The following STK39 variants were observed in gnomAD, a reference collection of about 807,000 sequenced individuals.
STK39 encodes serine/threonine kinase 39.
In STK39, 20 loss-of-function variants were observed where a neutral mutation model predicts 77.8. The observed-to-expected ratio is 0.26, with a 90% CI of 0.18 to 0.37. STK39 has a LOEUF of 0.37. Among genes scored for constraint, STK39 ranks in the 10% least tolerant of loss-of-function variants. The pLI is 1.00. For missense variants in STK39, 479 were observed against 656.5 expected (o/e 0.73, Z 2.95); for synonymous variants, 246 against 234.1 (o/e 1.05, Z -0.47).
chr2:168,239,014 A>T (rs892001808), intron 1 of STK39, among the ~76,000 whole-genome samples: 1 of 152,216 alleles, frequency 6.6e-6, no homozygotes, highest in Admixed American at 6.5e-5. Flanking sequence ...ATCTATTAGA[A>T]TGACCCGGTT....
At position 168,058,210 on chromosome 2, in the gene STK39, T is replaced by C. The variant is rs996637745; in HGVS notation, c.1376+5290A>G. ...TGTCCCCATCACTCCACTGAAAATA[T>C]TCTTGCCAAGGTCAAGCATGTGCTT... On this transcript the variant is annotated intron_variant, in intron 14 of 17. Coordinates refer to ENST00000355999, the MANE Select transcript of STK39 (RefSeq NM_013233.3). Among the ~76,000 whole-genome samples, 8 of 152,338 alleles carry C rather than the reference T, an allele frequency of 5.3e-5. 2 individuals are homozygous for C. The Middle Eastern group carries it at 0.014, about 259-fold the overall frequency.
intron 16 of STK39, among the ~76,000 whole-genome samples, chr2:167,999,820 G>T (rs1471643491): frequency 2.0e-5 from 3 of 152,170 alleles, no homozygotes; most frequent in Non-Finnish European, 4.4e-5. Flanking sequence ...TAAGGGCCTG[G>T]ATGACAAAGA....
rs571714340 is a variant in STK39, at chr2:168,039,027, C to G, written c.1377-21932G>C. 4.3e-4 allele frequency among the ~76,000 whole-genome samples: 66 copies of G among 152,034 alleles called. No individual in the cohort carries two copies. The South Asian group carries it at 0.013, about 31-fold the overall frequency. On this transcript the variant is annotated intron_variant, in intron 14 of 17. Transcript: ENST00000355999. ...CCTACCACCTAACCCAGCCATTGTA[C>G]AACTAGAAATTTTTCAAAGAGAAAT... is the stretch of plus-strand genomic sequence containing the variant.
chr2:167,975,917 G>A (rs1174157529), intron 16 of STK39, among the ~76,000 whole-genome samples: 3 of 152,178 alleles, frequency 2.0e-5, no homozygotes, highest in Non-Finnish European at 4.4e-5. Flanking sequence ...GCAGGACAAC[G>A]CTAAGGGTCA....
At chr2:167,981,906 A>G (rs1006645017) in intron 16 of STK39, among the ~76,000 whole-genome samples, 7 of 152,212 alleles carry the variant, frequency 4.6e-5, no homozygotes, top group Admixed American at 1.3e-4. Context: ...GATCTTGCAG[A>G]TAACACAAAG....
At chr2:168,238,304 C>CA (rs1690673541) in intron 1 of STK39, among the ~76,000 whole-genome samples, 1 of 152,164 alleles carries the variant, frequency 6.6e-6, no homozygotes, top group African/African-American at 2.4e-5. Flanking sequence ...TTTTTTCTGA[C>CA]AAATAGCTCC....
intron 2 of STK39, among the ~76,000 whole-genome samples, chr2:168,169,028 G>C (rs1688758547): frequency 6.6e-6 from 1 of 152,108 alleles, no homozygotes; most frequent in Non-Finnish European, 1.5e-5. Flanking sequence ...TTTAACCAAA[G>C]ATAAACTCCT....
chr2:168,043,299 T>TCA (rs1295495981), intron 14 of STK39, among the ~76,000 whole-genome samples: 1 of 95,756 alleles, frequency 1.0e-5, no homozygotes, highest in Non-Finnish European at 2.7e-5. Context: ...TATTTATTAC[T>TCA]CATTGATGGC....
chr2:168,232,638 C>A (rs779725981), intron 1 of STK39, among the ~76,000 whole-genome samples: 1 of 152,126 alleles, frequency 6.6e-6, no homozygotes, highest in Non-Finnish European at 1.5e-5. Context: ...GAAGGCCAGG[C>A]GCAGTGGCTC....
intron 14 of STK39, among the ~76,000 whole-genome samples, chr2:168,034,442 A>G (rs989002809): frequency 6.6e-6 from 1 of 152,250 alleles, no homozygotes; most frequent in African/African-American, 2.4e-5. Context: ...AAACATGCTT[A>G]AAGTGTGTGA....
At chr2:168,077,644 T>G (rs78814333) in intron 10 of STK39, among the ~76,000 whole-genome samples, 4,686 of 152,226 alleles carry the variant, frequency 0.031, 249 homozygotes, top group African/African-American at 0.11. Context: ...AATACTAACT[T>G]GTCTTTGAGA....
intron 8 of STK39, among the ~76,000 whole-genome samples, chr2:168,131,299 G>C (rs1314159762): frequency 4.6e-5 from 7 of 152,164 alleles, no homozygotes; most frequent in Non-Finnish European, 1.0e-4. Context: ...GATATTGGGA[G>C]AGAAAGGAGG....
At chr2:168,104,861 T>C (rs1481118550) in intron 10 of STK39, among the ~76,000 whole-genome samples, 1 of 152,172 alleles carries the variant, frequency 6.6e-6, no homozygotes, top group African/African-American at 2.4e-5. Flanking sequence ...AATGAAGCAA[T>C]TGTTTGTAAT....
At chr2:168,129,481 A>G (rs750410118) in intron 10 of STK39, 60 bp downstream of exon 10, 287 of 1,588,648 alleles carry the variant, frequency 1.8e-4, no homozygotes, top group Non-Finnish European at 2.4e-4. Context: ...CAATTTTTCT[A>G]TGGGTTTCAT....
intron 16 of STK39, among the ~76,000 whole-genome samples, chr2:168,003,000 T>C (rs1293004937): frequency 6.6e-6 from 1 of 152,224 alleles, no homozygotes; most frequent in South Asian, 2.1e-4. Flanking sequence ...TTTTATTTTT[T>C]TGAGATGGAG....
At chr2:168,105,920 T>C (rs1324426678) in intron 10 of STK39, among the ~76,000 whole-genome samples, 1 of 152,240 alleles carries the variant, frequency 6.6e-6, no homozygotes, top group African/African-American at 2.4e-5. Flanking sequence ...AGGGTTACCT[T>C]GCAGTCCTAG....
At chr2:168,000,576 C>T (rs1683974607) in intron 16 of STK39, among the ~76,000 whole-genome samples, 1 of 152,168 alleles carries the variant, frequency 6.6e-6, no homozygotes, top group South Asian at 2.1e-4. Context: ...TGAACAAATA[C>T]AAGAATTAGA....
At chr2:168,195,257 A>G (rs1429506477) in intron 1 of STK39, among the ~76,000 whole-genome samples, 1 of 152,120 alleles carries the variant, frequency 6.6e-6, no homozygotes, top group African/African-American at 2.4e-5. Context: ...AAAATTAGCC[A>G]GGCATGGTGG....
At chr2:168,038,570 T>C (rs1298208572) in intron 14 of STK39, among the ~76,000 whole-genome samples, 1 of 152,084 alleles carries the variant, frequency 6.6e-6, no homozygotes, top group Non-Finnish European at 1.5e-5. Context: ...AAAGATACTT[T>C]AAATTTTTTA....
Sources: allele counts gnomAD v4.1 joint callset (sites outside exome capture counted in the v4.1 genomes callset), GRCh38; gene constraint gnomAD v4.1.1; transcripts MANE v1.5; gene names NCBI Gene and HGNC (gene_info 2026-07-23, HGNC 2026-07-21).